The following GALNTL6 variants were observed in gnomAD, a reference collection of about 807,000 sequenced individuals.
The protein encoded by GALNTL6 is polypeptide N-acetylgalactosaminyltransferase-like 6.
A neutral mutation model predicts 73.7 loss-of-function variants in GALNTL6; 46 were observed. The observed-to-expected ratio is 0.62, with a 90% CI of 0.49 to 0.80. GALNTL6 has a LOEUF of 0.80. Ranked by LOEUF, GALNTL6 falls within the 30% of genes least tolerant of loss-of-function variation. GALNTL6 has a pLI of 0.00. For synonymous variants in GALNTL6, 259 were observed against 263.7 expected (o/e 0.98, Z 0.17); for missense variants, 604 against 755.0 (o/e 0.80, Z 2.34).
chr4:172,255,707 A>C (rs941891482), intron 3 of GALNTL6, among the ~76,000 whole-genome samples: 3 of 151,464 alleles, frequency 2.0e-5, no homozygotes, highest in African/African-American at 7.2e-5. Context: ...AGTCAATCTG[A>C]ATAATCATGG....
intron 5 of GALNTL6, among the ~76,000 whole-genome samples, chr4:172,718,198 G>T (rs75341169): frequency 6.6e-6 from 1 of 152,098 alleles, no homozygotes; most frequent in Non-Finnish European, 1.5e-5. Context: ...CTACTTCATC[G>T]TTATGATGAT....
chr4:172,663,563 T>A (rs1560865097), intron 5 of GALNTL6, among the ~76,000 whole-genome samples: 1 of 152,200 alleles, frequency 6.6e-6, no homozygotes, highest in Non-Finnish European at 1.5e-5. Flanking sequence ...AGTCCCTGTA[T>A]CAGAGAATAA....
At chr4:172,982,270 C>T (rs1751099409) in intron 10 of GALNTL6, among the ~76,000 whole-genome samples, 1 of 152,208 alleles carries the variant, frequency 6.6e-6, no homozygotes, top group Non-Finnish European at 1.5e-5. Context: ...TCCCAGGTTC[C>T]TCAGAGCCCT....
chr4:172,986,355 A>G (rs921912446), intron 10 of GALNTL6, among the ~76,000 whole-genome samples: 2 of 152,210 alleles, frequency 1.3e-5, no homozygotes, highest in Admixed American at 1.3e-4. Context: ...TTAGCACAGC[A>G]CTTCAGTGAG....
chr4:172,073,171 T>C (rs1286749744), intron 2 of GALNTL6, among the ~76,000 whole-genome samples: 1 of 152,192 alleles, frequency 6.6e-6, no homozygotes, highest in East Asian at 1.9e-4. Context: ...TTAAATATCA[T>C]CTTTTCATAG....
At chr4:172,025,413 T>G (rs1741536720) in intron 2 of GALNTL6, among the ~76,000 whole-genome samples, 1 of 151,992 alleles carries the variant, frequency 6.6e-6, no homozygotes, top group Non-Finnish European at 1.5e-5. Flanking sequence ...CAGTACAACA[T>G]TGTAACACAA....
chr4:172,283,878 C>T (rs926216210), intron 3 of GALNTL6, among the ~76,000 whole-genome samples: 4 of 152,064 alleles, frequency 2.6e-5, no homozygotes, highest in Admixed American at 2.0e-4. Flanking sequence ...AGAATGTCTG[C>T]ACTTCATTTT....
chr4:172,260,683 G>A (rs188251734), intron 3 of GALNTL6, among the ~76,000 whole-genome samples: 29 of 151,650 alleles, frequency 1.9e-4, no homozygotes, highest in Admixed American at 1.5e-3. Context: ...TCTTGTTCCA[G>A]TTCTCAGGGA....
At chr4:172,196,253 G>A (rs944254553) in intron 2 of GALNTL6, among the ~76,000 whole-genome samples, 2 of 152,010 alleles carry the variant, frequency 1.3e-5, no homozygotes, top group African/African-American at 4.8e-5. Context: ...ATACGAAGAA[G>A]GTGAATCCGT....
intron 2 of GALNTL6, among the ~76,000 whole-genome samples, chr4:172,121,636 T>TTATC (rs1225895576): frequency 6.6e-6 from 1 of 152,162 alleles, no homozygotes; most frequent in African/African-American, 2.4e-5. Flanking sequence ...CAAAACTTTC[T>TTATC]TATCTACATT....
At chr4:172,718,398 G>A (rs989561851) in intron 5 of GALNTL6, among the ~76,000 whole-genome samples, 2 of 152,148 alleles carry the variant, frequency 1.3e-5, no homozygotes, top group Non-Finnish European at 2.9e-5. Context: ...CTGGGAGGCC[G>A]AGGTGGGCAG....
intron 10 of GALNTL6, among the ~76,000 whole-genome samples, chr4:172,997,554 G>T (rs1023297839): frequency 2.0e-5 from 3 of 152,068 alleles, no homozygotes; most frequent in African/African-American, 7.2e-5. Context: ...ATTTCTCTCT[G>T]TGTCTATTTG....
chr4:172,346,033 A>G (rs1348424520), intron 4 of GALNTL6, among the ~76,000 whole-genome samples: 1 of 152,290 alleles, frequency 6.6e-6, no homozygotes, highest in Non-Finnish European at 1.5e-5. Flanking sequence ...GAGATGAGAG[A>G]AAGTACTCAC....
intron 2 of GALNTL6, among the ~76,000 whole-genome samples, chr4:172,140,131 T>G (rs2110736136): frequency 6.6e-6 from 1 of 152,198 alleles, no homozygotes; most frequent in Middle Eastern, 3.4e-3. Context: ...TCATACCAAT[T>G]TGTTGTATCA....
intron 11 of GALNTL6, among the ~76,000 whole-genome samples, chr4:173,014,235 T>C (rs767005444): frequency 6.6e-6 from 1 of 152,246 alleles, no homozygotes; most frequent in African/African-American, 2.4e-5. Context: ...GCATAGCTGT[T>C]TGATATCATG....
intron 2 of GALNTL6, among the ~76,000 whole-genome samples, chr4:171,980,380 C>T (rs554420478): frequency 4.1e-4 from 63 of 151,934 alleles, no homozygotes; most frequent in Non-Finnish European, 4.9e-4. Context: ...CAGGAAGGGT[C>T]GATTGAAAGA....
chr4:172,813,760 G>A, intron 7 of GALNTL6, 37 bp downstream of exon 7: 1 of 1,519,666 alleles, frequency 6.6e-7, no homozygotes, highest in Non-Finnish European at 9.0e-7. Context: ...AGGGGGTGAG[G>A]GCAGGTAACT....
chr4:172,330,543 C>T (rs1443838131), intron 4 of GALNTL6, among the ~76,000 whole-genome samples: 1 of 152,170 alleles, frequency 6.6e-6, no homozygotes, highest in African/African-American at 2.4e-5. Context: ...TTTACTTGTG[C>T]CCTCTTTTTC....
At chr4:171,903,822 G>C (rs1402167418) in intron 2 of GALNTL6, among the ~76,000 whole-genome samples, 2 of 152,090 alleles carry the variant, frequency 1.3e-5, no homozygotes, top group Non-Finnish European at 2.9e-5. Flanking sequence ...GCCTCCTCAA[G>C]TGGGTCCCTG....
Sources: allele counts gnomAD v4.1 joint callset (sites outside exome capture counted in the v4.1 genomes callset), GRCh38; gene constraint gnomAD v4.1.1; transcripts MANE v1.5; gene names NCBI Gene and HGNC (gene_info 2026-07-23, HGNC 2026-07-21).